ANKH: variants seen among roughly 807,000 people sequenced by gnomAD.
The protein encoded by ANKH is mineralization regulator ANKH.
In ANKH, 15 loss-of-function variants were observed where a neutral mutation model predicts 49.0. That is an observed-to-expected ratio of 0.31 (90% CI 0.20 to 0.47). ANKH has a LOEUF of 0.47. Among genes scored for constraint, ANKH ranks in the 20% least tolerant of loss-of-function variants. The probability of loss-of-function intolerance (pLI) is 1.00; values close to 1 mark genes in which losing one functional copy is unlikely to be tolerated. For synonymous variants in ANKH, 273 were observed against 260.0 expected, an observed-to-expected ratio of 1.05 and a Z score of -0.48; for missense variants, 429 against 652.0, an observed-to-expected ratio of 0.66 and a Z score of 3.72.
In ANKH at chr5:14,830,445, G is replaced by A. The variant is rs534289287; in HGVS notation, c.96+40907C>T. Among the ~76,000 whole-genome samples the A allele has an allele frequency of 4.6e-5, 7 of 152,176 alleles. No homozygotes were observed. In the East Asian group the frequency reaches 1.2e-3, roughly 25 times the overall value. ...AAACACAGTCCTAGGCTGCAGTGGG[G>A]GAAGGAAGTGGCTGGAAAGTTATTC... On this transcript the variant is annotated intron_variant, in intron 1 of 11. Coordinates refer to ENST00000284268, the MANE Select transcript of ANKH (RefSeq NM_054027.6).
intron 1 of ANKH, among the ~76,000 whole-genome samples, chr5:14,840,341 G>T (rs1027461517): frequency 2.6e-5 from 4 of 152,192 alleles, no homozygotes; most frequent in African/African-American, 9.7e-5. Flanking sequence ...CAGCAGGGTA[G>T]AAGTGTCCAC....
intron 1 of ANKH, among the ~76,000 whole-genome samples, chr5:14,810,053 C>T (rs1740831100): frequency 6.6e-6 from 1 of 152,108 alleles, no homozygotes; most frequent in Non-Finnish European, 1.5e-5. Flanking sequence ...TGGGTCTCGG[C>T]ACCACAGATA....
chr5:14,769,268 T>G, intron 1 of ANKH, 77 bp from the exon 2 acceptor site: 1 of 1,235,136 alleles, frequency 8.1e-7, no homozygotes, highest in Non-Finnish European at 1.2e-6. Context: ...TAAGATGAAA[T>G]TCAGCAGATC....
In ANKH at chr5:14,867,620, C is replaced by T. The variant is rs191536623; in HGVS notation, c.96+3732G>A. Reference sequence around the variant, plus strand: ...CAGGCCGGACTGCGGACTGCAGTGGCGCAATCTCGGCTCACTGCAAGCTCC... The same window carrying T: ...CAGGCCGGACTGCGGACTGCAGTGGTGCAATCTCGGCTCACTGCAAGCTCC... On this transcript the variant is annotated intron_variant, in intron 1 of 11. Transcript: ENST00000284268. Among the ~76,000 whole-genome samples the T allele has an allele frequency of 7.4e-3, 1,129 of 151,852 alleles. 16 individuals carry two copies. Among genetic ancestry groups the T allele is most frequent in the African/African-American group, 0.025 (1,029 of 41,398 alleles).
intron 1 of ANKH, chr5:14,788,070 C>T (rs1179103597): frequency 6.6e-6 from 1 of 152,182 alleles, no homozygotes; most frequent in Non-Finnish European, 1.5e-5. Context: ...GCATTGAGTC[C>T]AGTCTGCTGG....
At chr5:14,716,864 T>G in intron 8 of ANKH, 29 bp from the exon 9 acceptor site, 1 of 1,612,440 alleles carries the variant, frequency 6.2e-7, no homozygotes, top group Non-Finnish European at 8.5e-7. Flanking sequence ...AACAGGGTTG[T>G]GAGGAAAAAG....
At chr5:14,720,943 G>T (rs750318136) in intron 8 of ANKH, among the ~76,000 whole-genome samples, 1 of 152,234 alleles carries the variant, frequency 6.6e-6, no homozygotes, top group Non-Finnish European at 1.5e-5. Flanking sequence ...TGGCAGATGA[G>T]CCAGGTAATC....
At chr5:14,847,499 C>T (rs908655200) in intron 1 of ANKH, among the ~76,000 whole-genome samples, 3 of 152,172 alleles carry the variant, frequency 2.0e-5, no homozygotes, top group Non-Finnish European at 4.4e-5. Flanking sequence ...GTGTCGCCGT[C>T]GAGAAGGAGG....
intron 8 of ANKH, among the ~76,000 whole-genome samples, chr5:14,733,777 C>T (rs898135859): frequency 6.6e-6 from 1 of 152,202 alleles, no homozygotes; most frequent in East Asian, 1.9e-4. Context: ...TGCGGAGCCC[C>T]GTGTGCCTCA....
intron 1 of ANKH, among the ~76,000 whole-genome samples, chr5:14,799,756 C>T (rs529959951): frequency 3.3e-5 from 5 of 152,274 alleles, no homozygotes; most frequent in South Asian, 2.1e-4. Flanking sequence ...ACCTGGTCAC[C>T]GAAGAGCTCT....
chr5:14,729,873 C>A (rs138105247), intron 8 of ANKH, among the ~76,000 whole-genome samples: 1 of 152,200 alleles, frequency 6.6e-6, no homozygotes, highest in Non-Finnish European at 1.5e-5. Flanking sequence ...TTCTCTGATG[C>A]CGCTGCTCTT....
chr5:14,777,034 C>A (rs1434807837), intron 1 of ANKH, among the ~76,000 whole-genome samples: 1 of 152,210 alleles, frequency 6.6e-6, no homozygotes, highest in Non-Finnish European at 1.5e-5. Context: ...GTAATCCCAG[C>A]ACTTTAGGAG....
rs28939080 is a variant in ANKH at position 14,713,644 on chromosome 5, C to T, written c.1165G>A (p.Gly389Arg). The T allele has an allele frequency of 6.2e-7, 1 of 1,614,110 alleles. No individual in the cohort carries two copies. The highest frequency in any genetic ancestry group is 1.1e-5 in the South Asian group (1 of 91,086). Residue 389 changes from glycine to arginine, a missense_variant, in exon 10 of 12, where the codon GGG (glycine) becomes AGG (arginine). Physicochemically the swap from Gly to Arg is moderately radical, Grantham distance 125 (BLOSUM62 -2). Coordinates refer to ENST00000284268, the MANE Select transcript of ANKH (RefSeq NM_054027.6). This position sits in a 1 kb window ranked among gnomAD's most constrained non-coding sequence, Gnocchi z 4.4. ...VPVTVRAHLT[G>R]WLMTLKKTFV... The stretch of plus-strand genomic sequence containing the variant: ...GTTTTCTTCAGTGTCATCAGCCACC[C>T]GGTGAGATGCGCCCTCACTGTGACT...
intron 1 of ANKH, among the ~76,000 whole-genome samples, chr5:14,862,064 C>T (rs758516050): frequency 2.6e-5 from 4 of 152,092 alleles, no homozygotes; most frequent in Non-Finnish European, 4.4e-5. Flanking sequence ...GGTGAAACCC[C>T]GTCTCTACCA....
intron 2 of ANKH, among the ~76,000 whole-genome samples, chr5:14,765,452 T>C (rs1739229715): frequency 6.6e-6 from 1 of 152,124 alleles, no homozygotes; most frequent in South Asian, 2.1e-4. Flanking sequence ...GGGCACATTC[T>C]CTGGGGCCAT....
chr5:14,726,464 T>C (rs549592097), intron 8 of ANKH, among the ~76,000 whole-genome samples: 3 of 152,222 alleles, frequency 2.0e-5, no homozygotes, highest in East Asian at 1.9e-4. Flanking sequence ...TCACGGCTAC[T>C]GTGACCATCC....
chr5:14,730,981 T>C (rs1194530477), intron 8 of ANKH, among the ~76,000 whole-genome samples: 1 of 152,158 alleles, frequency 6.6e-6, no homozygotes, highest in Non-Finnish European at 1.5e-5. Context: ...AGGAAGCACC[T>C]GCCTGCCAAG....
chr5:14,835,644 TAG>T (rs1741630323), intron 1 of ANKH, among the ~76,000 whole-genome samples: 2 of 152,290 alleles, frequency 1.3e-5, no homozygotes, highest in Middle Eastern at 3.4e-3. Context: ...TCTGCTTAAC[TAG>T]TCATGCTCTT....
chr5:14,754,779 A>C (rs1738826103), intron 4 of ANKH, among the ~76,000 whole-genome samples: 1 of 152,192 alleles, frequency 6.6e-6, no homozygotes, highest in Non-Finnish European at 1.5e-5. Context: ...GGAAATATTC[A>C]TAGAATAGAA....
Sources: allele counts gnomAD v4.1 joint callset (sites outside exome capture counted in the v4.1 genomes callset), GRCh38; gene constraint gnomAD v4.1.1; non-coding constraint Gnocchi (gnomAD v3.1); transcripts MANE v1.5; gene names NCBI Gene and HGNC (gene_info 2026-07-23, HGNC 2026-07-21).